Variants in CLCN1 observed in about 807,000 individuals in gnomAD.
CLCN1 encodes chloride channel protein 1.
In CLCN1, 100 loss-of-function variants were observed where a neutral mutation model predicts 114.5. The ratio of observed to expected loss-of-function variants is 0.87; its 90% CI spans 0.74 to 1.03. The LOEUF is 1.03. Ranked by LOEUF, CLCN1 falls within the 50% of genes least tolerant of loss-of-function variation. The pLI is 0.00. For synonymous variants in CLCN1, 485 were observed against 487.1 expected, an observed-to-expected ratio of 1.00 and a Z score of 0.06; for missense variants, 1,188 against 1,250.0, an observed-to-expected ratio of 0.95 and a Z score of 0.75.
chr7:143,326,806 T>C (rs1379778938), intron 7 of CLCN1, among the ~76,000 whole-genome samples: 1 of 152,178 alleles, frequency 6.6e-6, no homozygotes, highest in Non-Finnish European at 1.5e-5. Context: ...ATGAAGACTC[T>C]CATGGCTATG....
At position 143,321,494 on chromosome 7, in the gene CLCN1, G is replaced by C. The variant is rs2116837885; in HGVS notation, c.562+1G>C. 6.2e-7 allele frequency: 1 copy of C among 1,614,018 alleles called. No homozygotes were observed. Among genetic ancestry groups the C allele is most frequent in the Non-Finnish European group, 8.5e-7 (1 of 1,180,020 alleles). ...CACCTCATCTCTCCCCAGGCTGTTG[G>C]TGAGAACTTGCCACCAGACTCGGCC... On this transcript the variant is annotated splice_donor_variant, in intron 4 of 22. Coordinates refer to ENST00000343257, the MANE Select transcript of CLCN1 (RefSeq NM_000083.3). LOFTEE classifies it high-confidence loss of function. This position sits in a 1 kb window ranked among gnomAD's most constrained non-coding sequence, Gnocchi z 4.2.
intron 7 of CLCN1, among the ~76,000 whole-genome samples, chr7:143,328,001 C>A (rs1013589353): frequency 6.6e-6 from 1 of 152,174 alleles, no homozygotes; most frequent in African/African-American, 2.4e-5. Flanking sequence ...GGGATCTAGG[C>A]TAACACCCAG....
Position 143,321,997 on chromosome 7 carries a change from G to C in CLCN1, c.696+149G>C, listed in dbSNP as rs2116839009. 1 of 933,578 alleles carries C rather than the reference G, an allele frequency of 1.1e-6. No individual in the cohort carries two copies. Among genetic ancestry groups the C allele is most frequent in the African/African-American group, 1.7e-5 (1 of 60,252 alleles). 57.8% of individuals were successfully genotyped at this position (933,578 alleles called of 1,614,324 possible). On this transcript the variant is annotated intron_variant, in intron 5 of 22. Transcript: ENST00000343257. This position sits in a 1 kb window ranked among gnomAD's most constrained non-coding sequence, Gnocchi z 4.2. The stretch of plus-strand genomic sequence containing the variant: ...GGACACTAGGAAGGGGAAATGCTTT[G>C]GAAGTTCCTCCAACTGAGGTCCAAT...
Position 143,330,884 on chromosome 7 carries a change from G to C in CLCN1, c.966G>C (p.Trp322Cys). Reference sequence around the variant, plus strand: ...TTGTGTTTCGAGTGCTGGCAGTGTGGAACAAGGATGCTGGTAACCAAGGAG... The same window carrying C: ...TTGTGTTTCGAGTGCTGGCAGTGTGCAACAAGGATGCTGGTAACCAAGGAG... Reference protein sequence around the residue: ...SAFVFRVLAVWNKDAVTITAL... With the variant: ...SAFVFRVLAVCNKDAVTITAL... Residue 322 changes from tryptophan to cysteine, a missense_variant, in exon 8 of 23, where the codon TGG (tryptophan) becomes TGC (cysteine). Physicochemically the swap from Trp to Cys is radical, Grantham distance 215. Coordinates refer to ENST00000343257, the MANE Select transcript of CLCN1 (RefSeq NM_000083.3). The C allele has an allele frequency of 5.6e-6, 9 of 1,614,208 alleles. No individual in the cohort carries two copies. Among genetic ancestry groups the C allele is most frequent in the Non-Finnish European group, 7.6e-6 (9 of 1,180,050 alleles).
rs572296530 is a variant in CLCN1, at chr7:143,340,796, G to A, written c.1583-1133G>A. 2.6e-5 allele frequency among the ~76,000 whole-genome samples: 4 copies of A among 152,316 alleles called. No individual in the cohort carries two copies. In the South Asian group the frequency reaches 8.3e-4, roughly 32 times the overall value. The stretch of plus-strand genomic sequence containing the variant: ...CATCCACCTGTCTCGGCCTCCCAGA[G>A]TGCTAGGATTACAGGCATAAGCCAC... On this transcript the variant is annotated intron_variant, in intron 14 of 22. Coordinates refer to ENST00000343257, the MANE Select transcript of CLCN1 (RefSeq NM_000083.3).
Position 143,316,205 on chromosome 7 carries a change from G to C in CLCN1, c.-8G>C, listed in dbSNP as rs537171820. Reference sequence around the variant, plus strand: ...CCAAGGCCTGGCCGGGGCTCGGGGGGAGGGAATATGGAGCAATCCCGGTCA... The same window carrying C: ...CCAAGGCCTGGCCGGGGCTCGGGGGCAGGGAATATGGAGCAATCCCGGTCA... On this transcript the variant is annotated 5_prime_UTR_variant, in exon 1 of 23. Coordinates refer to ENST00000343257, the MANE Select transcript of CLCN1 (RefSeq NM_000083.3). The C allele has an allele frequency of 3.4e-5, 55 of 1,610,360 alleles. No homozygotes were observed. Among genetic ancestry groups the C allele is most frequent in the Non-Finnish European group, 4.5e-5 (53 of 1,177,896 alleles).
In CLCN1 at chr7:143,331,646, C is replaced by A; in HGVS notation, c.1160C>A (p.Ala387Asp). ...CACAAGGCCCTCAGCCAGTTTCTTGCTAAGCAGTGAGTCACTGCCCTTCTT... is the reference window on the plus strand; with the variant it reads ...CACAAGGCCCTCAGCCAGTTTCTTGATAAGCAGTGAGTCACTGCCCTTCTT... ...RKHKALSQFLAKHRLLYPGIV... is the reference protein window; with the variant it reads ...RKHKALSQFLDKHRLLYPGIV... The change falls in exon 10 of 23, where the codon GCT (alanine) becomes GAT (aspartate). Residue 387 changes from alanine (A) to aspartate (D), a missense_variant. By Grantham distance (126) the Ala-to-Asp change is moderately radical (BLOSUM62 -2). Coordinates refer to ENST00000343257, the MANE Select transcript of CLCN1 (RefSeq NM_000083.3). The A allele has an allele frequency of 6.2e-7, 1 of 1,611,000 alleles. No individual in the cohort carries two copies. The highest frequency in any genetic ancestry group is 8.5e-7 in the Non-Finnish European group (1 of 1,177,122).
rs749682241 is a variant in CLCN1, at chr7:143,350,459, C to G, written c.2491C>G (p.Gln831Glu). The G allele has an allele frequency of 5.6e-6, 9 of 1,613,954 alleles. No homozygotes were observed. The highest frequency in any genetic ancestry group is 6.8e-6 in the Non-Finnish European group (8 of 1,179,832). ...IDQSPFQLVE[Q>E]TTLHKTHTLF... ...CCAGTCTCCCTTCCAGCTGGTGGAG[C>G]AGACAACCCTGCACAAGGTGAGTCT... The change falls in exon 21 of 23, where the codon CAG (glutamine) becomes GAG (glutamate). Residue 831 changes from glutamine (Q) to glutamate (E), a missense_variant. Coordinates refer to ENST00000343257, the MANE Select transcript of CLCN1 (RefSeq NM_000083.3). The surrounding 1 kb of genome is among the most constrained non-coding windows in gnomAD (Gnocchi z 5.1).
Position 143,319,845 on chromosome 7 carries a change from A to G in CLCN1, c.271A>G (p.Lys91Glu). 6.2e-7 allele frequency: 1 copy of G among 1,613,942 alleles called. No homozygotes were observed. Among genetic ancestry groups the G allele is most frequent in the South Asian group, 1.1e-5 (1 of 91,080 alleles). Residue 91 changes from lysine to glutamate, a missense_variant, in exon 2 of 23, where the codon AAG (lysine) becomes GAG (glutamate). Transcript: ENST00000343257. ...KTGSSSTVDS[K>E]DEDHYSKCQD... ...AGGCTCCAGTTCTACCGTGGACAGC[A>G]AGGATGAGGATCACTATTCTAAATG...
Position 143,331,556 on chromosome 7 carries a change from G to T in CLCN1, c.1070G>T (p.Cys357Phe), listed in dbSNP as rs1296912759. 4 of 1,611,800 alleles carry T rather than the reference G, an allele frequency of 2.5e-6. No homozygotes were observed. Among genetic ancestry groups the T allele is most frequent in the Admixed American group, 1.7e-5 (1 of 60,032 alleles). ...ELPAFAAIGICCGLLGAVFVY... is the reference protein window; with the variant it reads ...ELPAFAAIGIFCGLLGAVFVY... ...TCTATAAATTACACCCTCAGGATTT[G>T]CTGTGGGCTCCTGGGAGCTGTATTT... Residue 357 changes from cysteine (C) to phenylalanine (F), a missense_variant, in exon 10 of 23, where the codon TGC (cysteine) becomes TTC (phenylalanine). By Grantham distance (205) the Cys-to-Phe change is radical. Coordinates refer to ENST00000343257, the MANE Select transcript of CLCN1 (RefSeq NM_000083.3).
Position 143,339,024 on chromosome 7 carries a change from T to A in CLCN1, c.1402-229T>A, listed in dbSNP as rs539049180. ...TACAGGCACTCAAAGTAGAAGGGAT[T>A]TGGTCTAGCCATCTAGAGGAACCTT... On this transcript the variant is annotated intron_variant, in intron 12 of 22. Coordinates refer to ENST00000343257, the MANE Select transcript of CLCN1 (RefSeq NM_000083.3). The surrounding 1 kb of genome is among the most constrained non-coding windows in gnomAD (Gnocchi z 4.1). 1.3e-5 allele frequency among the ~76,000 whole-genome samples: 2 copies of A among 152,178 alleles called. No homozygotes were observed. Among genetic ancestry groups the A allele is most frequent in the Admixed American group, 1.3e-4 (2 of 15,280 alleles).
At chr7:143,346,491 T>C in intron 18 of CLCN1, 88 bp from the exon 19 acceptor site, 1 of 984,802 alleles carries the variant, frequency 1.0e-6, no homozygotes, top group African/African-American at 1.6e-5. Flanking sequence ...GTGCAGCTCT[T>C]TGGAGGCAAA....
chr7:143,321,785 C>T lies in CLCN1; in HGVS notation c.633C>T (p.Ala211=), dbSNP rs138246784. The T allele has an allele frequency of 1.0e-4, 161 of 1,614,234 alleles. No individual in the cohort carries two copies. The African/African-American group carries it at 1.8e-3, about 18-fold the overall frequency. ...VVLKEYLTMK[A]FVAKVVALTA... ...TGAAGGAATACCTCACAATGAAAGC[C>T]TTTGTGGCCAAGGTTGTCGCCCTGA... The change falls in exon 5 of 23, where the codon GCC becomes GCT. Residue 211 remains alanine (A), a synonymous_variant. Coordinates refer to ENST00000343257, the MANE Select transcript of CLCN1 (RefSeq NM_000083.3). The surrounding 1 kb of genome is among the most constrained non-coding windows in gnomAD (Gnocchi z 4.2).
intron 22 of CLCN1, among the ~76,000 whole-genome samples, chr7:143,351,174 A>G (rs2116399494): frequency 6.6e-6 from 1 of 152,300 alleles, no homozygotes; most frequent in South Asian, 2.1e-4. Flanking sequence ...ACAGCCCTGA[A>G]GGGAATGGAA....
At chr7:143,318,207 TTTTTTG>T (rs1217434805) in intron 1 of CLCN1, among the ~76,000 whole-genome samples, 2 of 147,754 alleles carry the variant, frequency 1.4e-5, no homozygotes, top group Non-Finnish European at 3.0e-5. Flanking sequence ...GGAATACTTT[TTTTTTG>T]TTTTTTGTTT....
In CLCN1 at chr7:143,351,967, C is replaced by T. The variant is rs765388493; in HGVS notation, c.*2C>T. 4.3e-6 allele frequency: 7 copies of T among 1,612,270 alleles called. No individual in the cohort carries two copies. The South Asian group carries it at 7.7e-5, about 18-fold the overall frequency. On this transcript the variant is annotated 3_prime_UTR_variant, in exon 23 of 23. Coordinates refer to ENST00000343257, the MANE Select transcript of CLCN1 (RefSeq NM_000083.3). ...GATGAGGATGAACTGATCCTTTGAC[C>T]CCCTCCCACGACCTCCTCATAAAGA...
chr7:143,348,653 C>T (rs967270733), intron 20 of CLCN1, among the ~76,000 whole-genome samples: 2 of 151,528 alleles, frequency 1.3e-5, no homozygotes, highest in African/African-American at 4.9e-5. Flanking sequence ...TGATATTGAC[C>T]AAAAAAACAG....
Position 143,333,628 on chromosome 7 carries a change from A to C in CLCN1, c.1401+755A>C, listed in dbSNP as rs118161548. ...TCTTTTTTCCCCCGGTTTTGTAGAT[A>C]ATCTCTTTTTTAGATCTTCAAAAGG... On this transcript the variant is annotated intron_variant, in intron 12 of 22. Coordinates refer to ENST00000343257, the MANE Select transcript of CLCN1 (RefSeq NM_000083.3). 5.3e-5 allele frequency among the ~76,000 whole-genome samples: 8 copies of C among 152,306 alleles called. No individual in the cohort carries two copies. In the East Asian group the frequency reaches 1.5e-3, roughly 29 times the overall value.
chr7:143,333,807 A>G (rs1462073665), intron 12 of CLCN1, among the ~76,000 whole-genome samples: 1 of 152,218 alleles, frequency 6.6e-6, no homozygotes, highest in Non-Finnish European at 1.5e-5. Flanking sequence ...TCTCTTTCAC[A>G]TCACTTCTTT....
Sources: gnomAD v4.1 joint callset for allele counts (sites outside exome capture counted in the v4.1 genomes callset) on GRCh38, gnomAD v4.1.1 for gene constraint, Gnocchi (gnomAD v3.1) non-coding constraint, MANE v1.5 for transcripts, NCBI Gene and HGNC (gene_info 2026-07-23, HGNC 2026-07-21) for gene names.